Variants in COBL observed in about 807,000 individuals in gnomAD.
The protein encoded by COBL is protein cordon-bleu.
A neutral mutation model predicts 98.8 loss-of-function variants in COBL; 51 were observed. The ratio of observed to expected loss-of-function variants is 0.52; its 90% CI spans 0.41 to 0.65. The LOEUF (loss-of-function observed/expected upper bound fraction) is 0.65. Ranked by LOEUF, COBL falls within the 30% of genes least tolerant of loss-of-function variation. The pLI, the probability that COBL is intolerant of heterozygous loss-of-function variation, is 0.00. For synonymous variants in COBL, 634 were observed against 651.7 expected (o/e 0.97, Z 0.41); for missense variants, 1,617 against 1,617.5 (o/e 1.00, Z 0.01).
At chr7:51,303,713 T>C (rs1802207103) in intron 1 of COBL, among the ~76,000 whole-genome samples, 1 of 152,252 alleles carries the variant, frequency 6.6e-6, no homozygotes, top group Non-Finnish European at 1.5e-5. Context: ...GCTTATCTGC[T>C]GACCCAACTC....
intron 5 of COBL, among the ~76,000 whole-genome samples, chr7:51,165,391 A>T (rs1463231856): frequency 2.0e-5 from 3 of 152,110 alleles, no homozygotes; most frequent in African/African-American, 7.2e-5. Context: ...GTAATGATAA[A>T]GGGGTTAATT....
At chr7:51,208,436 T>TG (rs34943564) in intron 2 of COBL, among the ~76,000 whole-genome samples, 104,315 of 135,434 alleles carry the variant, frequency 0.77, 39,097 homozygotes, top group East Asian at 0.84. Flanking sequence ...GGGAGGGAGG[T>TG]GGGGGGGGTC....
intron 1 of COBL, among the ~76,000 whole-genome samples, chr7:51,292,912 G>A (rs1453172668): frequency 1.3e-5 from 2 of 152,232 alleles, no homozygotes; most frequent in Non-Finnish European, 2.9e-5. Flanking sequence ...CTGCTACCCT[G>A]GGGCCAGGAT....
At chr7:51,306,006 A>T (rs1802439584) in intron 1 of COBL, among the ~76,000 whole-genome samples, 1 of 152,158 alleles carries the variant, frequency 6.6e-6, no homozygotes, top group Non-Finnish European at 1.5e-5. Flanking sequence ...ACTGCACTCC[A>T]GCCCAGGCGA....
rs765328356 is a variant in COBL, at chr7:51,029,193, C to G, written c.1903G>C (p.Ala635Pro). ...METAPRVTSF[A>P]SNLHTDNLNA... ...AGGTTGTCTGTGTGAAGATTCGAAG[C>G]AAAAGAAGTCACCCTGGGCGCCGTT... The change falls in exon 10 of 13, where the codon GCT becomes CCT. Residue 635 changes from alanine (A) to proline (P), a missense_variant. By Grantham distance (27) the Ala-to-Pro change is conservative (BLOSUM62 -1). Coordinates refer to ENST00000265136, the MANE Select transcript of COBL (RefSeq NM_015198.5). 4.3e-5 allele frequency: 70 copies of G among 1,614,056 alleles called. No individual in the cohort carries two copies. In the South Asian group the frequency reaches 7.1e-4, roughly 16 times the overall value.
At chr7:51,250,277 A>C (rs192712544) in intron 1 of COBL, among the ~76,000 whole-genome samples, 37 of 152,276 alleles carry the variant, frequency 2.4e-4, no homozygotes, top group Non-Finnish European at 5.1e-4. Context: ...CTCATCCTAC[A>C]AGGTGGCCTT....
intron 1 of COBL, among the ~76,000 whole-genome samples, chr7:51,242,895 G>A (rs958184376): frequency 2.6e-5 from 4 of 152,122 alleles, no homozygotes; most frequent in Non-Finnish European, 4.4e-5. Context: ...ACCTGACACC[G>A]AGGAAAGCCC....
intron 1 of COBL, among the ~76,000 whole-genome samples, chr7:51,233,459 T>C (rs1307269102): frequency 6.6e-6 from 1 of 152,188 alleles, no homozygotes; most frequent in Non-Finnish European, 1.5e-5. Flanking sequence ...ATTGAGTTCC[T>C]TCCAGCAAAG....
intron 7 of COBL, among the ~76,000 whole-genome samples, chr7:51,077,546 T>C (rs551391620): frequency 6.6e-5 from 10 of 152,342 alleles, no homozygotes; most frequent in African/African-American, 2.4e-4. Flanking sequence ...ACTTGCCCTA[T>C]GTTGCCTTTA....
At chr7:51,234,154 G>C (rs746835753) in intron 1 of COBL, among the ~76,000 whole-genome samples, 3 of 152,150 alleles carry the variant, frequency 2.0e-5, no homozygotes, top group Non-Finnish European at 4.4e-5. Flanking sequence ...TTAATTCTCC[G>C]TTGAAAATAT....
At chr7:51,240,691 C>A (rs537511950) in intron 1 of COBL, among the ~76,000 whole-genome samples, 1 of 127,856 alleles carries the variant, frequency 7.8e-6, no homozygotes, top group South Asian at 2.6e-4. Flanking sequence ...GGATTACAGG[C>A]ACGCACCACC....
intron 2 of COBL, among the ~76,000 whole-genome samples, chr7:51,216,930 C>G (rs1391210728): frequency 6.6e-6 from 1 of 152,204 alleles, no homozygotes; most frequent in African/African-American, 2.4e-5. Flanking sequence ...GCAGCCCACT[C>G]TTATATTAAT....
At chr7:51,033,840 T>C (rs993583351) in intron 8 of COBL, 4 of 152,262 alleles carry the variant, frequency 2.6e-5, no homozygotes, top group African/African-American at 9.6e-5. Flanking sequence ...GCAATCTTAG[T>C]GCGTGGCTGT....
intron 1 of COBL, among the ~76,000 whole-genome samples, chr7:51,279,095 A>G (rs1215577064): frequency 6.6e-6 from 1 of 152,236 alleles, no homozygotes; most frequent in Non-Finnish European, 1.5e-5. Flanking sequence ...GAATAATCCT[A>G]TGGCTTGGCT....
intron 6 of COBL, among the ~76,000 whole-genome samples, chr7:51,115,934 C>T (rs116821089): frequency 0.026 from 3,943 of 152,032 alleles, 152 homozygotes; most frequent in African/African-American, 0.085. Context: ...TGAAATCTTC[C>T]TGATGTATTG....
intron 6 of COBL, among the ~76,000 whole-genome samples, chr7:51,108,358 C>G (rs1796507156): frequency 6.6e-6 from 1 of 152,256 alleles, no homozygotes; most frequent in South Asian, 2.1e-4. Flanking sequence ...GTGAATACAC[C>G]ACGCTTTATG....
Position 51,051,805 on chromosome 7 carries a change from G to GGT in COBL, c.1097-8115_1097-8114dup. ...CGGGGCAAGGATTCCATCTGGATAGGGTGGCCAGTTTTTCTCTGTAGCCAC... is the reference window on the plus strand; with the variant it reads ...CGGGGCAAGGATTCCATCTGGATAGGGTGTGGCCAGTTTTTCTCTGTAGCCAC... On this transcript the variant is annotated intron_variant, in intron 7 of 12. Transcript: ENST00000265136. Among the ~76,000 whole-genome samples the GGT allele has an allele frequency of 1.3e-5, 2 of 152,140 alleles. 1 individual carries two copies. The highest frequency in any genetic ancestry group is 1.3e-4 in the Admixed American group (2 of 15,292).
intron 1 of COBL, among the ~76,000 whole-genome samples, chr7:51,275,576 A>G (rs10225990): frequency 0.05 from 7,650 of 152,078 alleles, 641 homozygotes; most frequent in African/African-American, 0.17. Context: ...CCTCAGCAAC[A>G]GTGCACTCCA....
At chr7:51,157,873 C>A (rs1269144277) in intron 5 of COBL, among the ~76,000 whole-genome samples, 1 of 152,174 alleles carries the variant, frequency 6.6e-6, no homozygotes, top group African/African-American at 2.4e-5. Flanking sequence ...GCACAATGCA[C>A]TGATATATAA....
Sources: gnomAD v4.1 joint callset for allele counts (sites outside exome capture counted in the v4.1 genomes callset) on GRCh38, gnomAD v4.1.1 for gene constraint, MANE v1.5 for transcripts, NCBI Gene and HGNC (gene_info 2026-07-23, HGNC 2026-07-21) for gene names.